PAG1: variants seen among roughly 807,000 people sequenced by gnomAD.
PAG1 encodes the protein phosphoprotein associated with glycosphingolipid-enriched microdomains 1.
A neutral mutation model predicts 31.7 loss-of-function variants in PAG1; 23 were observed. The observed-to-expected ratio is 0.73, with a 90% CI of 0.52 to 1.03. PAG1 has a LOEUF of 1.03. Ranked by LOEUF, PAG1 falls within the 50% of genes least tolerant of loss-of-function variation. The pLI, the probability that PAG1 is intolerant of heterozygous loss-of-function variation, is 0.00. For synonymous variants in PAG1, 214 were observed against 210.3 expected, an observed-to-expected ratio of 1.02 and a Z score of -0.15; for missense variants, 473 against 540.7, an observed-to-expected ratio of 0.87 and a Z score of 1.24.
chr8:80,983,946 A>G (rs1029338317), intron 7 of PAG1, among the ~76,000 whole-genome samples: 3 of 152,270 alleles, frequency 2.0e-5, no homozygotes, highest in African/African-American at 7.2e-5. Context: ...TTATACAAAC[A>G]GAGTGAGGGT....
At chr8:80,981,870 T>C (rs1054939328) in intron 7 of PAG1, among the ~76,000 whole-genome samples, 2 of 144,070 alleles carry the variant, frequency 1.4e-5, no homozygotes, top group African/African-American at 5.4e-5. Context: ...TCCTTTTTTT[T>C]TTTTTTTTTT....
intron 1 of PAG1, among the ~76,000 whole-genome samples, chr8:81,096,248 G>A (rs1400670235): frequency 6.6e-6 from 1 of 152,152 alleles, no homozygotes; most frequent in East Asian, 1.9e-4. Flanking sequence ...TTTAGAAACT[G>A]TAGAGCCGTG....
chr8:80,989,052 T>A (rs1397665365), intron 5 of PAG1, among the ~76,000 whole-genome samples: 1 of 152,240 alleles, frequency 6.6e-6, no homozygotes, highest in Non-Finnish European at 1.5e-5. Context: ...AAAGTTGTGA[T>A]GTAAACAGCA....
intron 3 of PAG1, among the ~76,000 whole-genome samples, chr8:81,029,513 G>C (rs547550728): frequency 2.0e-5 from 3 of 152,120 alleles, no homozygotes; most frequent in Non-Finnish European, 4.4e-5. Context: ...GAAGAACATG[G>C]AGTTCCTTAA....
Position 81,013,894 on chromosome 8 carries a change from T to C in PAG1, c.-81+16102A>G, listed in dbSNP as rs139247090. On this transcript the variant is annotated intron_variant, in intron 3 of 8. Coordinates refer to ENST00000220597, the MANE Select transcript of PAG1 (RefSeq NM_018440.4). The stretch of plus-strand genomic sequence containing the variant: ...TGCACCTGGCCTCAAGACATATGCT[T>C]AATATAAAATGTTCAATATAATATA... Among the ~76,000 whole-genome samples the C allele has an allele frequency of 3.3e-5, 5 of 152,320 alleles. No homozygotes were observed. In the East Asian group the frequency reaches 9.6e-4, roughly 29 times the overall value.
intron 1 of PAG1, among the ~76,000 whole-genome samples, chr8:81,111,218 C>A (rs1438875738): frequency 6.6e-6 from 1 of 152,170 alleles, no homozygotes; most frequent in Admixed American, 6.5e-5. Flanking sequence ...AAAGATCCAT[C>A]GCAGTGCTGG....
chr8:81,016,418 G>T (rs1808073529), intron 3 of PAG1, among the ~76,000 whole-genome samples: 1 of 152,186 alleles, frequency 6.6e-6, no homozygotes, highest in South Asian at 2.1e-4. Context: ...AAATGAGAAA[G>T]TACATGCTGA....
intron 3 of PAG1, among the ~76,000 whole-genome samples, chr8:81,020,215 T>C (rs1278396719): frequency 6.6e-6 from 1 of 152,202 alleles, no homozygotes; most frequent in Non-Finnish European, 1.5e-5. Context: ...AGATGATACT[T>C]AGGACTGTGG....
chr8:81,075,020 C>T (rs1384927952), intron 1 of PAG1, among the ~76,000 whole-genome samples: 1 of 152,182 alleles, frequency 6.6e-6, no homozygotes, highest in Non-Finnish European at 1.5e-5. Flanking sequence ...TGCTGGTTAG[C>T]CTTCCCTCAC....
chr8:81,056,107 C>G (rs1436089136), intron 2 of PAG1, among the ~76,000 whole-genome samples: 2 of 152,230 alleles, frequency 1.3e-5, no homozygotes, highest in Admixed American at 6.5e-5. Flanking sequence ...TCATAAATAG[C>G]TCTTATTATT....
At chr8:81,021,211 G>T (rs1808161582) in intron 3 of PAG1, among the ~76,000 whole-genome samples, 2 of 152,154 alleles carry the variant, frequency 1.3e-5, no homozygotes, top group Admixed American at 6.5e-5. Flanking sequence ...GACAACAGGA[G>T]ATATCATTAT....
chr8:80,993,010 G>A (rs1807585141), intron 4 of PAG1, 93 bp downstream of exon 4: 2 of 1,142,960 alleles, frequency 1.7e-6, no homozygotes, highest in Admixed American at 2.1e-5. Flanking sequence ...CTCTGTGGCG[G>A]GATTCCATTC....
intron 3 of PAG1, among the ~76,000 whole-genome samples, chr8:81,015,985 G>A (rs756341911): frequency 3.3e-5 from 5 of 152,162 alleles, no homozygotes; most frequent in African/African-American, 9.7e-5. Context: ...GAATTCTGCT[G>A]ATCCTCTATG....
Position 81,031,107 on chromosome 8 carries a change from A to G in PAG1, c.-174-1018T>C, listed in dbSNP as rs113039087. On this transcript the variant is annotated intron_variant, in intron 2 of 8. Transcript: ENST00000220597. ...TTAGAACCACATATTATCATCTTAG[A>G]CTGTGTGTTGCTTTCTCTGATAGCA... 3.6e-3 allele frequency among the ~76,000 whole-genome samples: 546 copies of G among 152,294 alleles called. 9 individuals carry two copies. The highest frequency in any genetic ancestry group is 0.012 in the African/African-American group (516 of 41,556).
intron 2 of PAG1, among the ~76,000 whole-genome samples, chr8:81,054,479 C>T (rs562430734): frequency 6.6e-6 from 1 of 152,132 alleles, no homozygotes; most frequent in Admixed American, 6.6e-5. Context: ...TAGAGACCAT[C>T]CTGGCTAATA....
At chr8:80,976,947 A>C in intron 8 of PAG1, 41 bp from the exon 9 acceptor site, 1 of 1,546,698 alleles carries the variant, frequency 6.5e-7, no homozygotes, top group Non-Finnish European at 8.7e-7. Flanking sequence ...TCCAGCTGTG[A>C]CTTCCCCCTC....
intron 7 of PAG1, among the ~76,000 whole-genome samples, chr8:80,981,609 C>A (rs1028446251): frequency 4.6e-5 from 7 of 152,176 alleles, no homozygotes; most frequent in Admixed American, 2.0e-4. Flanking sequence ...TTAGCCCCAC[C>A]CTCAGCCTCT....
intron 3 of PAG1, among the ~76,000 whole-genome samples, chr8:81,002,238 T>G (rs113780618): frequency 6.6e-6 from 1 of 151,058 alleles, no homozygotes; most frequent in African/African-American, 2.4e-5. Flanking sequence ...ATAAAAGACT[T>G]AAAAAAAAAT....
chr8:81,046,092 T>C (rs1173541853), intron 2 of PAG1, among the ~76,000 whole-genome samples: 2 of 152,214 alleles, frequency 1.3e-5, no homozygotes, highest in Non-Finnish European at 2.9e-5. Context: ...AAGACATTCA[T>C]TTGGTTCCAA....
Sources: allele counts gnomAD v4.1 joint callset (sites outside exome capture counted in the v4.1 genomes callset), GRCh38; gene constraint gnomAD v4.1.1; transcripts MANE v1.5; gene names NCBI Gene and HGNC (gene_info 2026-07-23, HGNC 2026-07-21).